Variants in TM9SF3 observed in about 807,000 individuals in gnomAD.
TM9SF3 encodes the protein SM-11044-binding protein.
Under a neutral mutation model 78.6 loss-of-function variants are expected in TM9SF3, and 14 were observed. The observed-to-expected ratio is 0.18, with a 90% CI of 0.12 to 0.28. The LOEUF is 0.28. TM9SF3 is among the 10% of genes least tolerant of loss of function. The pLI is 1.00. For missense variants in TM9SF3, 496 were observed against 721.9 expected (o/e 0.69, Z 3.59); for synonymous variants, 231 against 241.7 (o/e 0.96, Z 0.41).
intron 1 of TM9SF3, among the ~76,000 whole-genome samples, chr10:96,583,543 G>A (rs1589467092): frequency 6.6e-6 from 1 of 152,214 alleles, no homozygotes; most frequent in East Asian, 1.9e-4. Context: ...GGGGAATAGA[G>A]CATATGGCGG....
chr10:96,545,984 A>G (rs530870996), intron 8 of TM9SF3, among the ~76,000 whole-genome samples: 1 of 152,324 alleles, frequency 6.6e-6, no homozygotes, highest in South Asian at 2.1e-4. Context: ...TCCTGTACAC[A>G]TTCCACTGGG....
intron 1 of TM9SF3, among the ~76,000 whole-genome samples, chr10:96,581,582 T>C (rs1848570179): frequency 6.6e-6 from 1 of 152,220 alleles, no homozygotes; most frequent in South Asian, 2.1e-4. Context: ...TTTCAGTCTA[T>C]CATTGAGTAG....
chr10:96,551,525 G>A (rs1396895484), intron 6 of TM9SF3, 114 bp from the exon 7 acceptor site: 2 of 650,676 alleles, frequency 3.1e-6, no homozygotes, highest in Admixed American at 3.5e-5. Context: ...TATAGCTAAA[G>A]AAATACAAAA....
At chr10:96,532,766 A>AG (rs35401505) in intron 10 of TM9SF3, among the ~76,000 whole-genome samples, 32,336 of 152,120 alleles carry the variant, frequency 0.21, 3,878 homozygotes, top group Admixed American at 0.31. Context: ...TTTGGCCTGC[A>AG]GATTAGTAAA....
At position 96,552,557 on chromosome 10, in the gene TM9SF3, C is replaced by G. The variant is rs115070235; in HGVS notation, c.792+371G>C. On this transcript the variant is annotated intron_variant, in intron 6 of 14. Transcript: ENST00000371142. The stretch of plus-strand genomic sequence containing the variant: ...AAAGAACTTAGAAAACAAATCTTTC[C>G]TCTGAACCCACTAAACTGAACATAA... Among the ~76,000 whole-genome samples the G allele has an allele frequency of 8.6e-3, 1,305 of 152,200 alleles. 22 individuals carry two copies. The highest frequency in any genetic ancestry group is 0.03 in the African/African-American group (1,241 of 41,520).
At chr10:96,526,290 A>G (rs898809657) in intron 14 of TM9SF3, among the ~76,000 whole-genome samples, 3 of 152,052 alleles carry the variant, frequency 2.0e-5, no homozygotes, top group Admixed American at 2.0e-4. Context: ...CAGTCCCAAC[A>G]CTACACTTGG....
chr10:96,554,356 T>G (rs1848209555), intron 5 of TM9SF3, among the ~76,000 whole-genome samples: 1 of 152,100 alleles, frequency 6.6e-6, no homozygotes, highest in African/African-American at 2.4e-5. Flanking sequence ...CCTCACTTCC[T>G]CCAAAACACA....
At chr10:96,574,619 C>T (rs1408224258) in intron 2 of TM9SF3, among the ~76,000 whole-genome samples, 1 of 152,178 alleles carries the variant, frequency 6.6e-6, no homozygotes, top group African/African-American at 2.4e-5. Flanking sequence ...AAGATACATA[C>T]ACATGTATGT....
intron 4 of TM9SF3, among the ~76,000 whole-genome samples, chr10:96,559,986 T>C (rs867491708): frequency 2.6e-5 from 4 of 152,224 alleles, no homozygotes; most frequent in South Asian, 4.1e-4. Flanking sequence ...TGTTTACTTT[T>C]GTTGACTTAC....
At chr10:96,544,873 TAGAC>T (rs750964248) in intron 8 of TM9SF3, among the ~76,000 whole-genome samples, 51 of 152,216 alleles carry the variant, frequency 3.4e-4, no homozygotes, top group African/African-American at 6.3e-4. Context: ...AACCCTGAGT[TAGAC>T]AGCCTCTAAG....
chr10:96,537,232 G>A (rs1013818928), intron 9 of TM9SF3, among the ~76,000 whole-genome samples: 3 of 152,060 alleles, frequency 2.0e-5, no homozygotes, highest in East Asian at 1.9e-4. Context: ...CGTATCTGAC[G>A]TTGGTCCCAT....
intron 9 of TM9SF3, 90 bp from the exon 10 acceptor site, chr10:96,533,280 C>T (rs1306649911): frequency 2.1e-6 from 3 of 1,442,044 alleles, no homozygotes; most frequent in African/African-American, 1.4e-5. Context: ...CACAATTTGA[C>T]CACAAAAGAA....
chr10:96,536,765 A>T (rs961645328), intron 9 of TM9SF3, among the ~76,000 whole-genome samples: 1 of 152,198 alleles, frequency 6.6e-6, no homozygotes, highest in Non-Finnish European at 1.5e-5. Flanking sequence ...AAAGAATAGC[A>T]AATACATTTT....
chr10:96,530,414 C>T, intron 11 of TM9SF3, 126 bp downstream of exon 11: 1 of 744,288 alleles, frequency 1.3e-6, no homozygotes, highest in East Asian at 2.9e-5. Flanking sequence ...TATTCCCTTT[C>T]TGGAATCATG....
chr10:96,551,545 A>C (rs1261055488), intron 6 of TM9SF3, 134 bp from the exon 7 acceptor site: 1 of 559,586 alleles, frequency 1.8e-6, no homozygotes, highest in Admixed American at 3.9e-5. Flanking sequence ...ATATTGAGAA[A>C]GTATATTCCA....
chr10:96,554,276 C>A (rs1411358875), intron 5 of TM9SF3, among the ~76,000 whole-genome samples: 1 of 152,140 alleles, frequency 6.6e-6, no homozygotes, highest in Non-Finnish European at 1.5e-5. Flanking sequence ...GTCCCTCATT[C>A]TTTTCATCTT....
rs117577581 is a variant in TM9SF3 at position 96,577,025 on chromosome 10, T to C, written c.103-196A>G. 6.4e-3 allele frequency among the ~76,000 whole-genome samples: 974 copies of C among 152,282 alleles called. 10 individuals carry two copies. The highest frequency in any genetic ancestry group is 0.011 in the Non-Finnish European group (740 of 68,016). On this transcript the variant is annotated intron_variant, in intron 1 of 14. Coordinates refer to ENST00000371142, the MANE Select transcript of TM9SF3 (RefSeq NM_020123.4). ...CTTTGTGAATTTTAAAATTATATCC[T>C]CTGATTGTAGTCTCAGGCAGATACA...
chr10:96,582,576 A>G (rs903546550), intron 1 of TM9SF3, among the ~76,000 whole-genome samples: 19 of 152,214 alleles, frequency 1.2e-4, no homozygotes, highest in African/African-American at 4.6e-4. Context: ...CCCTTCAATC[A>G]GTTATTAAAA....
chr10:96,581,758 A>G (rs1405221503), intron 1 of TM9SF3, among the ~76,000 whole-genome samples: 5 of 152,244 alleles, frequency 3.3e-5, no homozygotes, highest in African/African-American at 9.6e-5. Context: ...TTGCCAAAGT[A>G]AATCAAACAA....
Sources: gnomAD v4.1 joint callset for allele counts (sites outside exome capture counted in the v4.1 genomes callset) on GRCh38, gnomAD v4.1.1 for gene constraint, MANE v1.5 for transcripts, NCBI Gene and HGNC (gene_info 2026-07-23, HGNC 2026-07-21) for gene names.